ITPK1: variants seen among roughly 807,000 people sequenced by gnomAD.
ITPK1 encodes inositol 1,3,4-trisphosphate 5/6-kinase.
A neutral mutation model predicts 45.3 loss-of-function variants in ITPK1; 21 were observed. That is an observed-to-expected ratio of 0.46 (90% confidence interval 0.33 to 0.67). The LOEUF (loss-of-function observed/expected upper bound fraction) is 0.67. Ranked by LOEUF, ITPK1 falls within the 30% of genes least tolerant of loss-of-function variation. The probability of loss-of-function intolerance (pLI) is 0.02; values close to 1 mark genes in which losing one functional copy is unlikely to be tolerated. For missense variants in ITPK1, 474 were observed against 573.5 expected, an observed-to-expected ratio of 0.83 and a Z score of 1.77; for synonymous variants, 258 against 253.6, an observed-to-expected ratio of 1.02 and a Z score of -0.16.
chr14:92,980,099 CA>C (rs1227253169), intron 5 of ITPK1, among the ~76,000 whole-genome samples: 4 of 152,130 alleles, frequency 2.6e-5, no homozygotes, highest in Middle Eastern at 3.2e-3. Flanking sequence ...TTATTTATAG[CA>C]GTGTGATAAC....
chr14:93,057,519 T>C (rs1296771396), intron 3 of ITPK1, among the ~76,000 whole-genome samples: 2 of 152,112 alleles, frequency 1.3e-5, no homozygotes, highest in African/African-American at 4.8e-5. Context: ...CAAGCTGACT[T>C]CAAGATGAAA....
At position 92,963,172 on chromosome 14, in the gene ITPK1, C is replaced by T. The variant is rs116067610; in HGVS notation, c.365-323G>A. Among the ~76,000 whole-genome samples the T allele has an allele frequency of 5.4e-3, 821 of 152,298 alleles. 6 individuals are homozygous for T. Among genetic ancestry groups the T allele is most frequent in the African/African-American group, 0.019 (785 of 41,546 alleles). ...CCACCACTGTGGACTTTTACCCACG[C>T]GTACATTTACACGCAGAGAGCTGTA... On this transcript the variant is annotated intron_variant, in intron 5 of 10. Coordinates refer to ENST00000267615, the MANE Select transcript of ITPK1 (RefSeq NM_014216.6).
At chr14:93,084,847 G>A (rs1166725003) in intron 2 of ITPK1, among the ~76,000 whole-genome samples, 12 of 152,128 alleles carry the variant, frequency 7.9e-5, no homozygotes. Flanking sequence ...TCCTCAGCTG[G>A]CAAACTCCTG....
chr14:92,949,830 C>A (rs80235040), intron 9 of ITPK1, among the ~76,000 whole-genome samples: 3,040 of 152,324 alleles, frequency 0.02, 110 homozygotes, highest in African/African-American at 0.069. Flanking sequence ...CATCCTAGGA[C>A]AAGATGCCTG....
chr14:92,972,815 T>G (rs1290013601), intron 5 of ITPK1, among the ~76,000 whole-genome samples: 1 of 152,210 alleles, frequency 6.6e-6, no homozygotes, highest in African/African-American at 2.4e-5. Flanking sequence ...GGTCTTGAAC[T>G]CCGGACCTCA....
At chr14:93,033,398 G>A (rs1889158417) in intron 3 of ITPK1, among the ~76,000 whole-genome samples, 1 of 152,182 alleles carries the variant, frequency 6.6e-6, no homozygotes, top group Non-Finnish European at 1.5e-5. Context: ...AAGGAAGGAG[G>A]CTTCCTCAAA....
At chr14:93,049,576 G>T (rs984244665) in intron 3 of ITPK1, among the ~76,000 whole-genome samples, 5 of 152,098 alleles carry the variant, frequency 3.3e-5, no homozygotes, top group African/African-American at 1.2e-4. Flanking sequence ...ACAATGAAAG[G>T]CCAGGAAAGG....
chr14:93,014,450 GTC>G lies in ITPK1; in HGVS notation c.246+2224_246+2225del, dbSNP rs1405231647. Among the ~76,000 whole-genome samples the G allele has an allele frequency of 6.6e-6, 1 of 152,164 alleles. No individual in the cohort carries two copies. The highest frequency in any genetic ancestry group is 1.5e-5 in the Non-Finnish European group (1 of 68,028). On this transcript the variant is annotated intron_variant, in intron 4 of 10. Transcript: ENST00000267615. This position sits in a 1 kb window ranked among gnomAD's most constrained non-coding sequence, Gnocchi z 4.4. ...GGGCCCAGGCTAGCTGGGAGATGTG[GTC>G]TCTAGGAAGAGCAACCGTGTGGGTG...
intron 7 of ITPK1, among the ~76,000 whole-genome samples, chr14:92,961,551 C>G (rs1335688021): frequency 6.6e-6 from 1 of 152,240 alleles, no homozygotes; most frequent in African/African-American, 2.4e-5. Context: ...AGCAGCATGG[C>G]AGACCCCTGT....
chr14:92,950,359 G>A (rs1887900903), intron 9 of ITPK1, among the ~76,000 whole-genome samples: 2 of 152,252 alleles, frequency 1.3e-5, no homozygotes, highest in South Asian at 4.1e-4. Flanking sequence ...GAACAGAGCT[G>A]GCTCTGTCAG....
intron 3 of ITPK1, chr14:93,066,486 G>A (rs771788300): frequency 1.1e-4 from 36 of 317,256 alleles, no homozygotes; most frequent in Non-Finnish European, 1.9e-4. Flanking sequence ...CTCACTGCAA[G>A]CTCCGCCTCC....
intron 4 of ITPK1, among the ~76,000 whole-genome samples, chr14:93,005,559 C>A (rs1489763508): frequency 6.6e-6 from 1 of 152,190 alleles, no homozygotes. Flanking sequence ...CACCCTCCAA[C>A]ACTCTGTGAC....
At chr14:92,970,522 G>A (rs541536166) in intron 5 of ITPK1, among the ~76,000 whole-genome samples, 1 of 152,346 alleles carries the variant, frequency 6.6e-6, no homozygotes, top group African/African-American at 2.4e-5. Context: ...GCCACTCCCG[G>A]TTCCTAGGGG....
At chr14:93,078,743 G>C (rs954717988) in intron 2 of ITPK1, among the ~76,000 whole-genome samples, 2 of 152,098 alleles carry the variant, frequency 1.3e-5, no homozygotes, top group Non-Finnish European at 2.9e-5. Flanking sequence ...CTGAGCACCT[G>C]TGGACACCTC....
At chr14:92,943,713 G>T (rs1486125315) in intron 10 of ITPK1, among the ~76,000 whole-genome samples, 1 of 152,234 alleles carries the variant, frequency 6.6e-6, no homozygotes, top group East Asian at 1.9e-4. Context: ...AGGATAAACA[G>T]GAGCTCGGGG....
chr14:93,062,446 A>T lies in ITPK1; in HGVS notation c.120+14149T>A, dbSNP rs983126954. ...CCCCATCTCTAAAAAAAGTTTAATT[A>T]AAAAAAAAAGTTTTTTTAATGCATC... is the stretch of plus-strand genomic sequence containing the variant. On this transcript the variant is annotated intron_variant, in intron 3 of 10. Transcript: ENST00000267615. Among the ~76,000 whole-genome samples, 13 of 149,980 alleles carry T rather than the reference A, an allele frequency of 8.7e-5. No homozygotes were observed. The Middle Eastern group carries it at 0.01, about 119-fold the overall frequency.
intron 3 of ITPK1, among the ~76,000 whole-genome samples, chr14:93,047,807 A>ACCAGCCAGCC (rs1889844968): frequency 6.6e-6 from 1 of 152,256 alleles, no homozygotes; most frequent in Admixed American, 6.5e-5. Flanking sequence ...GCCAGCCAGC[A>ACCAGCCAGCC]CCAGCCAGCC....
chr14:92,942,323 C>T (rs1315405801), intron 10 of ITPK1, among the ~76,000 whole-genome samples: 1 of 152,174 alleles, frequency 6.6e-6, no homozygotes, highest in African/African-American at 2.4e-5. Flanking sequence ...AATAAATACT[C>T]CTGAGGCCCA....
chr14:92,973,451 C>T (rs1885759281), intron 5 of ITPK1, among the ~76,000 whole-genome samples: 1 of 152,240 alleles, frequency 6.6e-6, no homozygotes, highest in Non-Finnish European at 1.5e-5. Flanking sequence ...TTGAAGATGG[C>T]TGTGGCAGGA....
Sources: gnomAD v4.1 joint callset for allele counts (sites outside exome capture counted in the v4.1 genomes callset) on GRCh38, gnomAD v4.1.1 for gene constraint, Gnocchi (gnomAD v3.1) non-coding constraint, MANE v1.5 for transcripts, NCBI Gene and HGNC (gene_info 2026-07-23, HGNC 2026-07-21) for gene names.